INPP4B: variants seen among roughly 807,000 people sequenced by gnomAD.
The protein encoded by INPP4B is inositol polyphosphate 4-phosphatase type II.
INPP4B carries 55 observed loss-of-function variants against 122.5 expected under a neutral mutation model. The ratio of observed to expected loss-of-function variants is 0.45; its 90% confidence interval spans 0.36 to 0.56. The LOEUF (loss-of-function observed/expected upper bound fraction) is 0.56. Among genes scored for constraint, INPP4B ranks in the 20% least tolerant of loss-of-function variants. INPP4B has a pLI of 0.00. For missense variants in INPP4B, 1,000 were observed against 1,097.7 expected (o/e 0.91, Z 1.26); for synonymous variants, 403 against 388.7 (o/e 1.04, Z -0.43).
intron 2 of INPP4B, among the ~76,000 whole-genome samples, chr4:142,535,544 G>C (rs1299880474): frequency 6.6e-6 from 1 of 152,102 alleles, no homozygotes; most frequent in Non-Finnish European, 1.5e-5. Flanking sequence ...ATAAATGCAA[G>C]AACACTAATT....
intron 10 of INPP4B, 85 bp from the exon 11 acceptor site, chr4:142,260,649 C>A: frequency 1.1e-6 from 1 of 875,414 alleles, no homozygotes; most frequent in South Asian, 1.6e-5. Context: ...AAACATAAGG[C>A]TATGTACATG....
At chr4:142,352,663 G>A (rs1372491534) in intron 7 of INPP4B, among the ~76,000 whole-genome samples, 1 of 151,780 alleles carries the variant, frequency 6.6e-6, no homozygotes, top group African/African-American at 2.4e-5. Context: ...TAAGAAATGA[G>A]AAAAACAGAA....
At chr4:142,470,757 T>G (rs1818672717) in intron 2 of INPP4B, among the ~76,000 whole-genome samples, 1 of 152,218 alleles carries the variant, frequency 6.6e-6, no homozygotes, top group African/African-American at 2.4e-5. Flanking sequence ...CTTCTCAAAA[T>G]ATGTTTTCAT....
chr4:142,728,421 T>C (rs1012634261), intron 1 of INPP4B, among the ~76,000 whole-genome samples: 1 of 152,210 alleles, frequency 6.6e-6, no homozygotes, highest in Non-Finnish European at 1.5e-5. Context: ...AATTATGTAC[T>C]CCCGAAAGAT....
At chr4:142,047,196 C>A (rs1044181920) in intron 25 of INPP4B, among the ~76,000 whole-genome samples, 9 of 152,030 alleles carry the variant, frequency 5.9e-5, no homozygotes, top group Non-Finnish European at 5.9e-5. Flanking sequence ...TGGTAATTTG[C>A]TCAGAGTTAA....
chr4:142,134,796 T>TA (rs1803183197), intron 18 of INPP4B, among the ~76,000 whole-genome samples: 11 of 57,608 alleles, frequency 1.9e-4, no homozygotes, highest in African/African-American at 9.1e-4. Context: ...AAACTCTGTC[T>TA]CAAAAAAAAA....
chr4:142,599,856 T>C (rs1739509804), intron 2 of INPP4B, among the ~76,000 whole-genome samples: 1 of 151,934 alleles, frequency 6.6e-6, no homozygotes, highest in Non-Finnish European at 1.5e-5. Flanking sequence ...AATAGAATTC[T>C]GGAGCTGAAG....
At chr4:142,762,124 C>T (rs1206125252) in intron 1 of INPP4B, among the ~76,000 whole-genome samples, 2 of 152,040 alleles carry the variant, frequency 1.3e-5, no homozygotes, top group African/African-American at 2.4e-5. Context: ...GGCTTTTTCT[C>T]GTTTCTTCAT....
chr4:142,197,920 A>T (rs77351619), intron 14 of INPP4B, among the ~76,000 whole-genome samples: 4,516 of 152,198 alleles, frequency 0.03, 210 homozygotes, highest in African/African-American at 0.1. Context: ...AAACAAAAAA[A>T]CTTATACTGT....
intron 2 of INPP4B, among the ~76,000 whole-genome samples, chr4:142,659,709 A>G (rs1460657060): frequency 6.6e-6 from 1 of 152,146 alleles, no homozygotes; most frequent in Non-Finnish European, 1.5e-5. Flanking sequence ...AAGTAAAACC[A>G]AGGGAGCTAA....
intron 2 of INPP4B, among the ~76,000 whole-genome samples, chr4:142,550,064 T>C (rs16998558): frequency 0.24 from 36,228 of 152,072 alleles, 5,384 homozygotes; most frequent in East Asian, 0.77. Flanking sequence ...TTTAAAATGA[T>C]GAATGAGGCT....
chr4:142,332,953 G>C (rs1393695385), intron 7 of INPP4B, among the ~76,000 whole-genome samples: 3 of 138,684 alleles, frequency 2.2e-5, no homozygotes, highest in Admixed American at 7.6e-5. Flanking sequence ...GGAGCTTGTA[G>C]TAAGCCGAGA....
intron 3 of INPP4B, among the ~76,000 whole-genome samples, chr4:142,453,613 TGCA>T (rs1255999798): frequency 6.6e-6 from 1 of 152,162 alleles, no homozygotes; most frequent in African/African-American, 2.4e-5. Flanking sequence ...TGAGGTTATC[TGCA>T]AAGAATATAA....
chr4:142,156,047 TG>T (rs1318979353), intron 17 of INPP4B, among the ~76,000 whole-genome samples: 1 of 149,686 alleles, frequency 6.7e-6, no homozygotes, highest in Non-Finnish European at 1.5e-5. Context: ...ATTTTAAATT[TG>T]GCTTATATTT....
At chr4:142,347,472 T>C (rs1780648158) in intron 7 of INPP4B, 2 of 430,640 alleles carry the variant, frequency 4.6e-6, no homozygotes, top group Non-Finnish European at 9.2e-6. Context: ...AAAATGAAGG[T>C]TGGAAGAAGC....
chr4:142,656,786 C>G (rs761436816), intron 2 of INPP4B, among the ~76,000 whole-genome samples: 1 of 152,060 alleles, frequency 6.6e-6, no homozygotes, highest in Non-Finnish European at 1.5e-5. Flanking sequence ...ACAAGTTAGC[C>G]CTTAAAGATT....
At chr4:142,581,271 T>C (rs77360604) in intron 2 of INPP4B, among the ~76,000 whole-genome samples, 3,111 of 152,122 alleles carry the variant, frequency 0.02, 40 homozygotes, top group Middle Eastern at 0.055. Flanking sequence ...TTTCTCCAAG[T>C]TTTGTGCTAT....
chr4:142,728,876 A>G (rs866299328), intron 1 of INPP4B, among the ~76,000 whole-genome samples: 12 of 152,230 alleles, frequency 7.9e-5, no homozygotes, highest in African/African-American at 2.9e-4. Context: ...TGGCAGTCAA[A>G]GAAACTAATA....
intron 2 of INPP4B, among the ~76,000 whole-genome samples, chr4:142,683,545 T>C (rs1056526581): frequency 2.6e-5 from 4 of 151,568 alleles, no homozygotes; most frequent in African/African-American, 4.8e-5. Context: ...CTAGTTTCAT[T>C]CCCAAGAGTT....
Sources: allele counts gnomAD v4.1 joint callset (sites outside exome capture counted in the v4.1 genomes callset), GRCh38; gene constraint gnomAD v4.1.1; transcripts MANE v1.5; gene names NCBI Gene and HGNC (gene_info 2026-07-23, HGNC 2026-07-21).